The following COL23A1 variants were observed in gnomAD, a reference collection of about 807,000 sequenced individuals.
The protein encoded by COL23A1 is collagen alpha-1(XXIII) chain.
In COL23A1, 97 loss-of-function variants were observed where a neutral mutation model predicts 99.3. That is an observed-to-expected ratio of 0.98 (90% CI 0.83 to 1.16). The LOEUF (loss-of-function observed/expected upper bound fraction) is 1.16. Ranked by LOEUF, COL23A1 falls within the 50% of genes most tolerant of loss-of-function variation. The probability of loss-of-function intolerance (pLI) is 0.00; values close to 1 mark genes in which losing one functional copy is unlikely to be tolerated. For synonymous variants in COL23A1, 320 were observed against 308.2 expected (o/e 1.04, Z -0.40); for missense variants, 762 against 757.4 (o/e 1.01, Z -0.07).
chr5:178,435,461 G>A (rs1238241301), intron 2 of COL23A1, among the ~76,000 whole-genome samples: 2 of 152,200 alleles, frequency 1.3e-5, no homozygotes, highest in African/African-American at 4.8e-5. Context: ...GCTGGGCACA[G>A]AAAGGCAGCC....
chr5:178,287,202 G>A (rs960253276), intron 5 of COL23A1, among the ~76,000 whole-genome samples: 1 of 152,202 alleles, frequency 6.6e-6, no homozygotes, highest in Non-Finnish European at 1.5e-5. Context: ...ATGGGATGAG[G>A]GTGGGTCCCA....
chr5:178,538,576 T>C (rs1227572668), intron 2 of COL23A1, among the ~76,000 whole-genome samples: 1 of 152,214 alleles, frequency 6.6e-6, no homozygotes. Context: ...ACATTTTGAG[T>C]AGCACAGCCT....
intron 2 of COL23A1, among the ~76,000 whole-genome samples, chr5:178,531,243 G>C (rs1010157779): frequency 3.4e-4 from 52 of 152,214 alleles, no homozygotes; most frequent in African/African-American, 1.3e-3. Flanking sequence ...AGATGGAAGG[G>C]ACTGTAGAGA....
At chr5:178,250,359 A>G (rs1386294146) in intron 17 of COL23A1, among the ~76,000 whole-genome samples, 1 of 152,190 alleles carries the variant, frequency 6.6e-6, no homozygotes, top group Non-Finnish European at 1.5e-5. Context: ...GACTTGCTTC[A>G]GGTCACAGAG....
chr5:178,375,521 G>A (rs540873588), intron 2 of COL23A1, among the ~76,000 whole-genome samples: 2 of 152,258 alleles, frequency 1.3e-5, no homozygotes, highest in African/African-American at 2.4e-5. Context: ...CTCACCTCAC[G>A]ATGGCCCAAA....
rs17081216 is a variant in COL23A1 at position 178,424,769 on chromosome 5, G to C, written c.362-117850C>G. ...CAAGTTATTTATCCTCTGAGTTACA[G>C]ACACTGAATCCATAAAATGCAGATG... On this transcript the variant is annotated intron_variant, in intron 2 of 28. Transcript: ENST00000390654. Among the ~76,000 whole-genome samples, 2,696 of 152,280 alleles carry C rather than the reference G, an allele frequency of 0.018. 133 individuals carry two copies. The East Asian group carries it at 0.19, about 11-fold the overall frequency.
chr5:178,275,994 G>A (rs1756563740), intron 5 of COL23A1, among the ~76,000 whole-genome samples: 1 of 152,198 alleles, frequency 6.6e-6, no homozygotes. Context: ...AAACCCTGCT[G>A]TCTCAGTGTA....
chr5:178,538,492 A>T (rs73344420), intron 2 of COL23A1, among the ~76,000 whole-genome samples: 1 of 152,224 alleles, frequency 6.6e-6, no homozygotes, highest in Non-Finnish European at 1.5e-5. Context: ...GTTTCCACAC[A>T]TTCTCCATTT....
intron 2 of COL23A1, among the ~76,000 whole-genome samples, chr5:178,545,436 C>T (rs570404293): frequency 2.6e-5 from 4 of 152,312 alleles, no homozygotes; most frequent in Non-Finnish European, 5.9e-5. Flanking sequence ...GCATTCAGTC[C>T]TATTTCTAAA....
intron 2 of COL23A1, among the ~76,000 whole-genome samples, chr5:178,520,715 T>A (rs369678152): frequency 1.3e-5 from 2 of 152,122 alleles, no homozygotes; most frequent in African/African-American, 4.8e-5. Flanking sequence ...ATCTGTAAAA[T>A]GAGGTCAGGC....
intron 2 of COL23A1, among the ~76,000 whole-genome samples, chr5:178,477,242 C>T (rs1757080403): frequency 6.6e-6 from 1 of 152,112 alleles, no homozygotes; most frequent in Non-Finnish European, 1.5e-5. Flanking sequence ...CAGAAAACAA[C>T]GAAACCATGA....
chr5:178,389,888 C>G (rs1047552926), intron 2 of COL23A1, among the ~76,000 whole-genome samples: 1 of 152,216 alleles, frequency 6.6e-6, no homozygotes, highest in African/African-American at 2.4e-5. Context: ...CTGAGCCGTT[C>G]TGAAGTGGCA....
At position 178,310,897 on chromosome 5, in the gene COL23A1, C is replaced by T. The variant is rs1758634153; in HGVS notation, c.362-3978G>A. ...ACCTTTCCTGCTGCTGCCTGAGACT[C>T]AGACACTCAGGAAGGCACTGGGAGT... On this transcript the variant is annotated intron_variant, in intron 2 of 28. Transcript: ENST00000390654. This position sits in a 1 kb window ranked among gnomAD's most constrained non-coding sequence, Gnocchi z 4.3. 6.6e-6 allele frequency among the ~76,000 whole-genome samples: 1 copy of T among 152,130 alleles called. No individual in the cohort carries two copies. The highest frequency in any genetic ancestry group is 6.5e-5 in the Admixed American group (1 of 15,278).
At chr5:178,375,102 A>G (rs1199724886) in intron 2 of COL23A1, among the ~76,000 whole-genome samples, 1 of 152,242 alleles carries the variant, frequency 6.6e-6, no homozygotes, top group Non-Finnish European at 1.5e-5. Flanking sequence ...CGAAAGCTGC[A>G]ACATGCTACC....
At position 178,307,082 on chromosome 5, in the gene COL23A1, A is replaced by C. The variant is rs1581123042; in HGVS notation, c.362-163T>G. The C allele has an allele frequency of 2.0e-6, 1 of 506,826 alleles. No homozygotes were observed. Among genetic ancestry groups the C allele is most frequent in the Non-Finnish European group, 3.5e-6 (1 of 284,544 alleles). 31.4% of individuals were successfully genotyped at this position (506,826 alleles called of 1,614,324 possible). On this transcript the variant is annotated intron_variant, in intron 2 of 28. Coordinates refer to ENST00000390654, the MANE Select transcript of COL23A1 (RefSeq NM_173465.4). This position sits in a 1 kb window ranked among gnomAD's most constrained non-coding sequence, Gnocchi z 4.2. ...TGGAGGGGGAGATGCGTGGGGAGAAACCCCTTCCTTCTGCCACTACCTCGC... is the reference window on the plus strand; with the variant it reads ...TGGAGGGGGAGATGCGTGGGGAGAACCCCCTTCCTTCTGCCACTACCTCGC...
At chr5:178,523,257 CAG>C (rs70997610) in intron 2 of COL23A1, among the ~76,000 whole-genome samples, 33,868 of 108,196 alleles carry the variant, frequency 0.31, 6,184 homozygotes, top group East Asian at 0.68. Flanking sequence ...GAGAGAGAGA[CAG>C]AGAGAGAGAG....
intron 2 of COL23A1, among the ~76,000 whole-genome samples, chr5:178,362,486 T>C (rs1762225723): frequency 6.6e-6 from 1 of 152,002 alleles, no homozygotes; most frequent in African/African-American, 2.4e-5. Flanking sequence ...CACCAGCACC[T>C]CACTTTTCCT....
At chr5:178,334,693 G>T (rs1760223379) in intron 2 of COL23A1, among the ~76,000 whole-genome samples, 1 of 152,192 alleles carries the variant, frequency 6.6e-6, no homozygotes, top group Non-Finnish European at 1.5e-5. Context: ...CCTGCCATCT[G>T]CACTTAAAGA....
At chr5:178,338,061 A>G (rs1485554975) in intron 2 of COL23A1, among the ~76,000 whole-genome samples, 1 of 152,146 alleles carries the variant, frequency 6.6e-6, no homozygotes, top group African/African-American at 2.4e-5. Flanking sequence ...GAGGGGCTGT[A>G]CTTGGGGCCA....
Sources: allele counts gnomAD v4.1 joint callset (sites outside exome capture counted in the v4.1 genomes callset), GRCh38; gene constraint gnomAD v4.1.1; non-coding constraint Gnocchi (gnomAD v3.1); transcripts MANE v1.5; gene names NCBI Gene and HGNC (gene_info 2026-07-23, HGNC 2026-07-21).